The following HERC5 variants were observed in gnomAD, a reference collection of about 807,000 sequenced individuals.
The protein encoded by HERC5 is E3 ISG15--protein ligase HERC5.
A neutral mutation model predicts 119.6 loss-of-function variants in HERC5; 99 were observed. The ratio of observed to expected loss-of-function variants is 0.83; its 90% confidence interval spans 0.70 to 0.98. The LOEUF (loss-of-function observed/expected upper bound fraction) is 0.98, where lower values mean the gene tolerates loss of function less well. Ranked by LOEUF, HERC5 falls within the 50% of genes least tolerant of loss-of-function variation. HERC5 has a pLI of 0.00. For synonymous variants in HERC5, 478 were observed against 445.9 expected, an observed-to-expected ratio of 1.07 and a Z score of -0.91; for missense variants, 1,267 against 1,241.3, an observed-to-expected ratio of 1.02 and a Z score of -0.31.
intron 13 of HERC5, among the ~76,000 whole-genome samples, chr4:88,482,583 A>G (rs1741315888): frequency 6.6e-6 from 1 of 152,184 alleles, no homozygotes; most frequent in Non-Finnish European, 1.5e-5. Flanking sequence ...GCAGGCTTGG[A>G]ACCATTTGAA....
In HERC5 at chr4:88,467,137, T is replaced by C. The variant is rs761043953; in HGVS notation, c.990T>C (p.Asn330=). ...FGSGKDGQLG[N]GGTRDQLMPL... is the part of the protein sequence containing the mutation. ...CTGGAAAAGATGGACAACTGGGAAA[T>C]GGTGGAACACGTGACCAGCTGATGC... Residue 330 remains asparagine (N), a synonymous_variant, in exon 7 of 23, where the codon AAT becomes AAC. Coordinates refer to ENST00000264350, the MANE Select transcript of HERC5 (RefSeq NM_016323.4). 6.2e-7 allele frequency: 1 copy of C among 1,614,184 alleles called. No individual in the cohort carries two copies. Among genetic ancestry groups the C allele is most frequent in the South Asian group, 1.1e-5 (1 of 91,080 alleles).
At chr4:88,504,044 G>A (rs1021147692) in intron 20 of HERC5, among the ~76,000 whole-genome samples, 188 bp from the exon 21 acceptor site, 5 of 151,364 alleles carry the variant, frequency 3.3e-5, no homozygotes, top group African/African-American at 1.2e-4. Flanking sequence ...TCCAGCCCAG[G>A]TGACAGTGCG....
intron 3 of HERC5, 50 bp downstream of exon 3, chr4:88,460,221 A>G (rs1188462576): frequency 1.0e-5 from 9 of 888,256 alleles, no homozygotes; most frequent in South Asian, 6.2e-5. Context: ...ACCTGTGTGT[A>G]TATGTGGAGC....
Position 88,465,705 on chromosome 4 carries a change from C to T in HERC5, c.912-1354C>T, listed in dbSNP as rs1292861376. Among the ~76,000 whole-genome samples the T allele has an allele frequency of 4.6e-5, 7 of 152,200 alleles. No individual in the cohort carries two copies. The South Asian group carries it at 1.2e-3, about 27-fold the overall frequency. On this transcript the variant is annotated intron_variant, in intron 6 of 22. Coordinates refer to ENST00000264350, the MANE Select transcript of HERC5 (RefSeq NM_016323.4). ...CACATCAGGGCAATACCCCTACTAACAGGACAATTCACTGGAAAGACTCAC... is the reference window on the plus strand; with the variant it reads ...CACATCAGGGCAATACCCCTACTAATAGGACAATTCACTGGAAAGACTCAC...
At chr4:88,495,370 G>A (rs1409769436) in intron 18 of HERC5, among the ~76,000 whole-genome samples, 1 of 151,950 alleles carries the variant, frequency 6.6e-6, no homozygotes. Flanking sequence ...CCAACACGGC[G>A]AGACCTCATC....
intron 20 of HERC5, among the ~76,000 whole-genome samples, chr4:88,501,398 G>A (rs1177076727): frequency 3.3e-5 from 5 of 152,182 alleles, no homozygotes; most frequent in Admixed American, 3.3e-4. Context: ...ACCTAGAGTA[G>A]TCTACAGTGG....
chr4:88,462,750 G>A (rs1272028778), intron 4 of HERC5, among the ~76,000 whole-genome samples: 1 of 152,166 alleles, frequency 6.6e-6, no homozygotes, highest in Non-Finnish European at 1.5e-5. Context: ...GTCTGTTAGT[G>A]TATTATTACA....
chr4:88,457,515 C>G lies in HERC5; in HGVS notation c.246C>G (p.Ser82Arg), dbSNP rs748252354. 22 of 1,274,540 alleles carry G rather than the reference C, an allele frequency of 1.7e-5. No individual in the cohort carries two copies. Among genetic ancestry groups the G allele is most frequent in the Non-Finnish European group, 2.1e-5 (21 of 1,010,144 alleles). 79.0% of individuals were successfully genotyped at this position (1,274,540 alleles called of 1,614,324 possible). A position where few individuals can be genotyped will look rare whatever the true frequency, so the allele number is the denominator to read the frequency against. Residue 82 changes from serine to arginine, a missense_variant, in exon 1 of 23, where the codon AGC (serine) becomes AGG (arginine). By Grantham distance (110) the Ser-to-Arg change is moderately radical (BLOSUM62 -1). Transcript: ENST00000264350. ...AGGTTCACCAGCTGCTCGCCGGGAGCGGCGGCGCCCGGACGCCGAGTGAGT... is the reference window on the plus strand; with the variant it reads ...AGGTTCACCAGCTGCTCGCCGGGAGGGGCGGCGCCCGGACGCCGAGTGAGT... The part of the protein sequence containing the change: ...GVQVHQLLAG[S>R]GGARTPKCIK...
chr4:88,499,162 C>G (rs1030343486), intron 18 of HERC5, among the ~76,000 whole-genome samples: 2 of 152,190 alleles, frequency 1.3e-5, no homozygotes. Flanking sequence ...ACATACCTCA[C>G]TGTATTGTAG....
At position 88,457,176 on chromosome 4, in the gene HERC5, C is replaced by T; in HGVS notation, c.-94C>T. 2.4e-6 allele frequency: 3 copies of T among 1,237,624 alleles called. No individual in the cohort carries two copies. The highest frequency in any genetic ancestry group is 3.0e-6 in the Non-Finnish European group (3 of 989,996). The allele number at this position is 1,237,624 out of a possible 1,614,324, so 76.7% of individuals were successfully genotyped here. A position where few individuals can be genotyped will look rare whatever the true frequency, so the allele number is the denominator to read the frequency against. ...CAGCTGCGCGCAGCTGGTTCCCGCT[C>T]TGCAGCGCAACGCCTGAGGCAGTGG... On this transcript the variant is annotated 5_prime_UTR_variant, in exon 1 of 23. Coordinates refer to ENST00000264350, the MANE Select transcript of HERC5 (RefSeq NM_016323.4).
intron 12 of HERC5, among the ~76,000 whole-genome samples, chr4:88,478,615 A>T (rs894426025): frequency 6.6e-6 from 1 of 152,080 alleles, no homozygotes; most frequent in African/African-American, 2.4e-5. Context: ...GCTTTAAAAA[A>T]ATATTTTTTT....
At chr4:88,499,319 A>G (rs2149108651) in intron 18 of HERC5, among the ~76,000 whole-genome samples, 1 of 152,354 alleles carries the variant, frequency 6.6e-6, no homozygotes, top group South Asian at 2.1e-4. Context: ...GAGCAAATAC[A>G]ATGAGATGTG....
In HERC5 at chr4:88,494,154, T is replaced by TC; in HGVS notation, c.2278-10dup. Reference sequence around the variant, plus strand: ...CTCATAATACTTTAAGATTTTTTTTTCGCTTTTCAGCCTAAATTTGAGAAG... The same window carrying TC: ...CTCATAATACTTTAAGATTTTTTTTTCCGCTTTTCAGCCTAAATTTGAGAAG... On this transcript the variant is annotated splice_polypyrimidine_tract_variant and intron_variant, in intron 17 of 22. Transcript: ENST00000264350. 1 of 1,581,522 alleles carries TC rather than the reference T, an allele frequency of 6.3e-7. No homozygotes were observed. The highest frequency in any genetic ancestry group is 8.6e-7 in the Non-Finnish European group (1 of 1,163,078).
intron 22 of HERC5, among the ~76,000 whole-genome samples, chr4:88,505,427 C>A (rs1742076041): frequency 6.6e-6 from 1 of 152,186 alleles, no homozygotes; most frequent in African/African-American, 2.4e-5. Flanking sequence ...TACCTTACAG[C>A]TTTTCTCTTG....
intron 20 of HERC5, among the ~76,000 whole-genome samples, chr4:88,501,885 G>A (rs1159581384): frequency 2.0e-5 from 3 of 152,082 alleles, no homozygotes; most frequent in East Asian, 3.9e-4. Context: ...TGCAACCTCC[G>A]CCTCCCGGGT....
Position 88,470,640 on chromosome 4 carries a change from C to T in HERC5, c.1265C>T (p.Pro422Leu), listed in dbSNP as rs1740837483. ...GAAATCCAAGAGATATTTTCATCTC[C>T]TGCTTGTCTAACTGGAAGTTTTTTA... Reference protein sequence around the residue: ...KREIQEIFSSPACLTGSFLRK... With the variant: ...KREIQEIFSSLACLTGSFLRK... The change falls in exon 10 of 23, where the codon CCT becomes CTT. Residue 422 changes from proline (P) to leucine (L), a missense_variant. By Grantham distance (98) the Pro-to-Leu change is moderately conservative (BLOSUM62 -3). Transcript: ENST00000264350. 6.6e-7 allele frequency: 1 copy of T among 1,512,964 alleles called. No homozygotes were observed. The highest frequency in any genetic ancestry group is 1.4e-5 in the African/African-American group (1 of 72,460). The allele number at this position is 1,512,964 out of a possible 1,614,324, so 93.7% of individuals were successfully genotyped here.
chr4:88,506,153 C>A lies in HERC5; in HGVS notation c.*275C>A. The stretch of plus-strand genomic sequence containing the variant: ...AAATATTTTTCAAAAATAAAATAAC[C>A]GAAAAATTAACATAAAAGTCTTATT... On this transcript the variant is annotated 3_prime_UTR_variant, in exon 23 of 23. Transcript: ENST00000264350. The A allele has an allele frequency of 2.9e-6, 1 of 349,166 alleles. No homozygotes were observed. The highest frequency in any genetic ancestry group is 5.2e-6 in the Non-Finnish European group (1 of 194,098). 21.6% of individuals were successfully genotyped at this position (349,166 alleles called of 1,614,324 possible).
At position 88,469,193 on chromosome 4, in the gene HERC5, C is replaced by A. The variant is rs1354165500; in HGVS notation, c.1171C>A (p.Leu391Met). ...TAATCTGAAGAGGACAATTCCTACT[C>A]TGAATGAAGGGACTGTAAAGAGATG... ...YVNLKRTIPTLNEGTVKRWIA... is the reference protein window; with the variant it reads ...YVNLKRTIPTMNEGTVKRWIA... Residue 391 changes from leucine (L) to methionine (M), a missense_variant, in exon 9 of 23, where the codon CTG (leucine) becomes ATG (methionine). Transcript: ENST00000264350. The A allele has an allele frequency of 6.2e-7, 1 of 1,612,930 alleles. No homozygotes were observed. The highest frequency in any genetic ancestry group is 2.2e-5 in the East Asian group (1 of 44,868).
At chr4:88,502,309 A>G (rs1741970407) in intron 20 of HERC5, among the ~76,000 whole-genome samples, 1 of 152,214 alleles carries the variant, frequency 6.6e-6, no homozygotes, top group Non-Finnish European at 1.5e-5. Flanking sequence ...GGATATTGAT[A>G]TGGATGATGC....
Sources: allele counts gnomAD v4.1 joint callset (sites outside exome capture counted in the v4.1 genomes callset), GRCh38; gene constraint gnomAD v4.1.1; transcripts MANE v1.5; gene names NCBI Gene and HGNC (gene_info 2026-07-23, HGNC 2026-07-21).